PCDHGA3: variants seen among roughly 807,000 people sequenced by gnomAD.
PCDHGA3 encodes the protein protocadherin gamma-A3.
PCDHGA3 carries 40 observed loss-of-function variants against 58.5 expected under a neutral mutation model. The observed-to-expected ratio is 0.68, with a 90% confidence interval of 0.53 to 0.89. The LOEUF (loss-of-function observed/expected upper bound fraction) is 0.89, where lower values mean the gene tolerates loss of function less well. Ranked by LOEUF, PCDHGA3 falls within the 40% of genes least tolerant of loss-of-function variation. PCDHGA3 has a pLI of 0.00. For missense variants in PCDHGA3, 1,223 were observed against 1,195.9 expected (o/e 1.02, Z -0.33); for synonymous variants, 530 against 525.7 (o/e 1.01, Z -0.11).
chr5:141,405,770 G>T (rs989163026), intron 1 of PCDHGA3, among the ~76,000 whole-genome samples: 1 of 152,032 alleles, frequency 6.6e-6, no homozygotes. Context: ...GAGCCACTGC[G>T]CCTGGCCCTT....
At chr5:141,429,559 A>G (rs2097222911) in intron 1 of PCDHGA3, among the ~76,000 whole-genome samples, 2 of 152,146 alleles carry the variant, frequency 1.3e-5, no homozygotes, top group Admixed American at 6.5e-5. Context: ...TGATTTGATA[A>G]TATTCAGTTA....
At position 141,364,766 on chromosome 5, in the gene PCDHGA3, G is replaced by A. The variant is rs377017789; in HGVS notation, c.2424+18309G>A. 6 of 1,613,880 alleles carry A rather than the reference G, an allele frequency of 3.7e-6. No homozygotes were observed. The African/African-American group carries it at 8.0e-5, about 22-fold the overall frequency. ...GTTAAAAGTAAAAGTTAATGAAAAT[G>A]CGGCTGCAGGGACACGGTTAGTGCT... On this transcript the variant is annotated intron_variant, in intron 1 of 3. Coordinates refer to ENST00000253812, the MANE Select transcript of PCDHGA3 (RefSeq NM_018916.4).
At position 141,373,993 on chromosome 5, in the gene PCDHGA3, G is replaced by A. The variant is rs1770007177; in HGVS notation, c.2424+27536G>A. ...TCGCATCCGGTCTCTGCTTGTTGAAGGACCTTCACCGCTATTTCTGAGAAG... is the reference window on the plus strand; with the variant it reads ...TCGCATCCGGTCTCTGCTTGTTGAAAGACCTTCACCGCTATTTCTGAGAAG... On this transcript the variant is annotated intron_variant, in intron 1 of 3. Coordinates refer to ENST00000253812, the MANE Select transcript of PCDHGA3 (RefSeq NM_018916.4). 3 of 1,234,728 alleles carry A rather than the reference G, an allele frequency of 2.4e-6. No homozygotes were observed. The Admixed American group carries it at 1.0e-4, about 42-fold the overall frequency. The allele number at this position is 1,234,728 out of a possible 1,614,324, so 76.5% of individuals were successfully genotyped here. A position where few individuals can be genotyped will look rare whatever the true frequency, so the allele number is the denominator to read the frequency against.
In PCDHGA3 at chr5:141,370,921, C is replaced by T. The variant is rs1767318937; in HGVS notation, c.2424+24464C>T. Reference sequence around the variant, plus strand: ...CAGCAGTACTACCTCAGCCCTGATCCGCACTTCTCTTTGATTCAGAAGGAG... The same window carrying T: ...CAGCAGTACTACCTCAGCCCTGATCTGCACTTCTCTTTGATTCAGAAGGAG... On this transcript the variant is annotated intron_variant, in intron 1 of 3. Coordinates refer to ENST00000253812, the MANE Select transcript of PCDHGA3 (RefSeq NM_018916.4). 2 of 1,613,978 alleles carry T rather than the reference C, an allele frequency of 1.2e-6. No homozygotes were observed. Among genetic ancestry groups the T allele is most frequent in the Admixed American group, 1.7e-5 (1 of 60,006 alleles).
chr5:141,394,353 C>G (rs759128487), intron 1 of PCDHGA3: 11 of 1,614,178 alleles, frequency 6.8e-6, no homozygotes, highest in East Asian at 4.5e-5. Flanking sequence ...CACCGGTGTC[C>G]TGTATGCGCT....
At chr5:141,482,602 C>T (rs2099569087) in intron 1 of PCDHGA3, among the ~76,000 whole-genome samples, 1 of 142,506 alleles carries the variant, frequency 7.0e-6, no homozygotes, top group Non-Finnish European at 1.5e-5. Flanking sequence ...CGGGAAAAAA[C>T]ACCTAAATGA....
Position 141,432,830 on chromosome 5 carries a change from C to G in PCDHGA3, c.2425-61977C>G, listed in dbSNP as rs780093171. On this transcript the variant is annotated intron_variant, in intron 1 of 3. Coordinates refer to ENST00000253812, the MANE Select transcript of PCDHGA3 (RefSeq NM_018916.4). The surrounding 1 kb of genome is among the most constrained non-coding windows in gnomAD (Gnocchi z 6.0). ...TAACTCTGAAACCTCAGACCTCACT[C>G]TGTACCTGGTGGTAGCGGTGGCCGC... 4 of 1,614,208 alleles carry G rather than the reference C, an allele frequency of 2.5e-6. No individual in the cohort carries two copies. The highest frequency in any genetic ancestry group is 2.2e-5 in the East Asian group (1 of 44,874).
chr5:141,374,223 A>G (rs761001587), intron 1 of PCDHGA3: 2 of 1,614,020 alleles, frequency 1.2e-6, no homozygotes, highest in South Asian at 2.2e-5. Flanking sequence ...TTCGTAGGCA[A>G]CATCGTCAAG....
intron 1 of PCDHGA3, chr5:141,418,442 G>C: frequency 6.2e-7 from 1 of 1,614,010 alleles, no homozygotes; most frequent in Non-Finnish European, 8.5e-7. Flanking sequence ...TCCAGAATTA[G>C]TATTGCAGAA....
chr5:141,389,747 G>A (rs766506538), intron 1 of PCDHGA3: 38 of 1,612,722 alleles, frequency 2.4e-5, no homozygotes, highest in Admixed American at 2.2e-4. Context: ...GGCTGCGCAC[G>A]GGCGAAGTGC....
chr5:141,382,699 G>C lies in PCDHGA3; in HGVS notation c.2424+36242G>C, dbSNP rs6876944. The stretch of plus-strand genomic sequence containing the variant: ...CCAACCAGGGAAAAATGGTGCGAGA[G>C]ATCCCACAGAAACCACCGAGTTTTA... On this transcript the variant is annotated intron_variant, in intron 1 of 3. Transcript: ENST00000253812. 3,018 of 458,814 alleles carry C rather than the reference G, an allele frequency of 6.6e-3. 90 individuals carry two copies. Among genetic ancestry groups the C allele is most frequent in the African/African-American group, 0.053 (2,693 of 50,344 alleles). 28.4% of individuals were successfully genotyped at this position (458,814 alleles called of 1,614,324 possible).
At chr5:141,423,852 G>T (rs796757517) in intron 1 of PCDHGA3, 36 of 1,279,400 alleles carry the variant, frequency 2.8e-5, no homozygotes, top group Non-Finnish European at 3.5e-5. Context: ...CTTTCAGAAC[G>T]TTTTTGTGAA....
In PCDHGA3 at chr5:141,490,023, G is replaced by A. The variant is rs1306715385; in HGVS notation, c.2425-4784G>A. The A allele has an allele frequency of 1.2e-6, 2 of 1,614,134 alleles. No homozygotes were observed. Among genetic ancestry groups the A allele is most frequent in the Non-Finnish European group, 1.7e-6 (2 of 1,180,060 alleles). On this transcript the variant is annotated intron_variant, in intron 1 of 3. Transcript: ENST00000253812. This position sits in a 1 kb window ranked among gnomAD's most constrained non-coding sequence, Gnocchi z 5.4. ...AGAATGCACCCATTGGTACTCTGCT[G>A]CTCCGCCTCAATGCCACTGATCCAG... is the stretch of plus-strand genomic sequence containing the variant.
At chr5:141,507,442 C>T (rs748782097) in intron 3 of PCDHGA3, among the ~76,000 whole-genome samples, 1 of 152,162 alleles carries the variant, frequency 6.6e-6, no homozygotes, top group African/African-American at 2.4e-5. Flanking sequence ...CTACAGCTGA[C>T]GGAAGGACAG....
At position 141,432,379 on chromosome 5, in the gene PCDHGA3, G is replaced by A; in HGVS notation, c.2425-62428G>A. On this transcript the variant is annotated intron_variant, in intron 1 of 3. Transcript: ENST00000253812. The surrounding 1 kb of genome is among the most constrained non-coding windows in gnomAD (Gnocchi z 6.0). ...TGATGGCGCGGGACAACGGGCACCC[G>A]CCCCTCAGCAGCAACGTGTCGTTGA... 1.2e-6 allele frequency: 2 copies of A among 1,614,208 alleles called. No homozygotes were observed. The highest frequency in any genetic ancestry group is 1.7e-6 in the Non-Finnish European group (2 of 1,180,038).
Position 141,489,595 on chromosome 5 carries a change from G to A in PCDHGA3, c.2425-5212G>A. The A allele has an allele frequency of 1.2e-6, 2 of 1,614,132 alleles. No individual in the cohort carries two copies. Among genetic ancestry groups the A allele is most frequent in the Non-Finnish European group, 1.7e-6 (2 of 1,180,004 alleles). On this transcript the variant is annotated intron_variant, in intron 1 of 3. Coordinates refer to ENST00000253812, the MANE Select transcript of PCDHGA3 (RefSeq NM_018916.4). The surrounding 1 kb of genome is among the most constrained non-coding windows in gnomAD (Gnocchi z 4.5). Reference sequence around the variant, plus strand: ...TGAACACCCCCTGGAGCTAATCCGTGTAGAGGTAGAGATCCTGGATCTCAA... The same window carrying A: ...TGAACACCCCCTGGAGCTAATCCGTATAGAGGTAGAGATCCTGGATCTCAA...
rs370932300 is a variant in PCDHGA3, at chr5:141,459,955, G to A, written c.2425-34852G>A. Among the ~76,000 whole-genome samples, 15 of 152,316 alleles carry A rather than the reference G, an allele frequency of 9.8e-5. No homozygotes were observed. The East Asian group carries it at 2.3e-3, about 24-fold the overall frequency. The stretch of plus-strand genomic sequence containing the variant: ...TAGCTGGGCGTGATGGCAGGTGCCT[G>A]TAATCCCAGCTACTCAGGAGGCTGA... On this transcript the variant is annotated intron_variant, in intron 1 of 3. Coordinates refer to ENST00000253812, the MANE Select transcript of PCDHGA3 (RefSeq NM_018916.4).
intron 1 of PCDHGA3, chr5:141,418,820 G>A: frequency 6.2e-7 from 1 of 1,613,918 alleles, no homozygotes. Flanking sequence ...AAACATAGAA[G>A]CAAAAGACCG....
intron 1 of PCDHGA3, chr5:141,388,006 T>C (rs1353495946): frequency 6.7e-7 from 1 of 1,482,372 alleles, no homozygotes; most frequent in African/African-American, 1.4e-5. Flanking sequence ...CCCGAGGAAA[T>C]GCCCAAGGGC....
Sources: allele counts gnomAD v4.1 joint callset (sites outside exome capture counted in the v4.1 genomes callset), GRCh38; gene constraint gnomAD v4.1.1; non-coding constraint Gnocchi (gnomAD v3.1); transcripts MANE v1.5; gene names NCBI Gene and HGNC (gene_info 2026-07-23, HGNC 2026-07-21).